Variants in DRICH1 observed in about 807,000 individuals in gnomAD.
The protein encoded by DRICH1 is aspartate-rich protein 1.
Under a neutral mutation model 39.5 loss-of-function variants are expected in DRICH1, and 38 were observed. The ratio of observed to expected loss-of-function variants is 0.96; its 90% CI spans 0.74 to 1.26. The LOEUF is 1.26. Among genes scored for constraint, DRICH1 ranks in the 50% most tolerant of loss-of-function variants. DRICH1 has a pLI of 0.00. For missense variants in DRICH1, 279 were observed against 270.4 expected (o/e 1.03, Z -0.22); for synonymous variants, 84 against 99.5 (o/e 0.84, Z 0.93).
intron 11 of DRICH1, among the ~76,000 whole-genome samples, chr22:23,612,556 A>G (rs1247224660): frequency 6.6e-6 from 1 of 152,004 alleles, no homozygotes; most frequent in African/African-American, 2.4e-5. Context: ...TTTTGAAGAC[A>G]GGAAATAGTG....
At chr22:23,615,849 A>G (rs1444694001) in intron 8 of DRICH1, among the ~76,000 whole-genome samples, 1 of 152,254 alleles carries the variant, frequency 6.6e-6, no homozygotes. Context: ...TTGAATGCAC[A>G]CATACACTGT....
intron 3 of DRICH1, chr22:23,624,171 G>T: frequency 1.0e-6 from 1 of 985,326 alleles, no homozygotes; most frequent in Non-Finnish European, 1.2e-6. Context: ...CATAAGGTGA[G>T]GATCCATTTC....
downstream of DRICH1, chr22:23,608,366 G>A (rs1926849292): frequency 4.5e-6 from 1 of 223,818 alleles, no homozygotes; most frequent in Non-Finnish European, 9.0e-6. Context: ...CTTATAGAAG[G>A]TGACCCAGAT....
chr22:23,603,385 C>T, the DRICH1 span, among the ~76,000 whole-genome samples: 28,521 of 151,740 alleles, frequency 0.19, 2,976 homozygotes, highest in African/African-American at 0.28. Flanking sequence ...CCAGGTTCCT[C>T]ACCTCCCCTG....
chr22:23,613,899 G>C (rs927367363), intron 9 of DRICH1, among the ~76,000 whole-genome samples: 1 of 152,188 alleles, frequency 6.6e-6, no homozygotes, highest in African/African-American at 2.4e-5. Context: ...GTGGAAAACT[G>C]TTGTTGTGGA....
At chr22:23,610,875 A>T in intron 11 of DRICH1, among the ~76,000 whole-genome samples, 2 of 146,702 alleles carry the variant, frequency 1.4e-5, no homozygotes, top group African/African-American at 2.5e-5. Flanking sequence ...TTTTTAACCT[A>T]TTATTAGATG....
chr22:23,583,332 C>CT, the DRICH1 span: 5 of 152,126 alleles, frequency 3.3e-5, no homozygotes, highest in African/African-American at 4.8e-5. Context: ...CTGTCCACGC[C>CT]CCCGGGTGTG....
In DRICH1 at chr22:23,631,941, G is replaced by A. The variant is rs962259959; in HGVS notation, c.83C>T (p.Thr28Ile). ...AGCAGCCACAGTCTCATAAATATCA[G>A]TATCAGATTCATAACAGGGTGCGTC... is the stretch of plus-strand genomic sequence containing the variant. Reference protein sequence around the residue: ...GKDAPCYESDTDIYETVAAAT... With the variant: ...GKDAPCYESDIDIYETVAAAT... The change falls in exon 1 of 12, where the codon ACT (threonine) becomes ATT (isoleucine). Residue 28 changes from threonine (T) to isoleucine (I), a missense_variant. Thr to Ile is a moderately conservative substitution (Grantham distance 89, BLOSUM62 -1). Transcript: ENST00000317749. 3 of 1,613,714 alleles carry A rather than the reference G, an allele frequency of 1.9e-6. No homozygotes were observed. The highest frequency in any genetic ancestry group is 2.7e-5 in the African/African-American group (2 of 74,904).
chr22:23,602,711 G>T, the DRICH1 span, among the ~76,000 whole-genome samples: 1 of 149,090 alleles, frequency 6.7e-6, no homozygotes. Flanking sequence ...GAGAAATTTG[G>T]GGGGGGGTGG....
At chr22:23,623,178 G>A (rs374750622) in intron 3 of DRICH1, among the ~76,000 whole-genome samples, 8 of 152,108 alleles carry the variant, frequency 5.3e-5, no homozygotes, top group Admixed American at 1.3e-4. Flanking sequence ...AGGCTGAGGC[G>A]GGCAGATCAC....
chr22:23,609,575 G>GT (rs1926922372), intron 11 of DRICH1, among the ~76,000 whole-genome samples: 1 of 152,082 alleles, frequency 6.6e-6, no homozygotes, highest in Non-Finnish European at 1.5e-5. Context: ...ACCTGTTTGT[G>GT]CAGGTGTCAG....
the DRICH1 span, among the ~76,000 whole-genome samples, chr22:23,590,904 G>A: frequency 6.6e-6 from 1 of 152,180 alleles, no homozygotes; most frequent in South Asian, 2.1e-4. Flanking sequence ...GACTACAGGC[G>A]TGAGCCACTG....
chr22:23,588,935 A>T, the DRICH1 span, among the ~76,000 whole-genome samples: 1 of 152,102 alleles, frequency 6.6e-6, no homozygotes. Flanking sequence ...TAACCAGATT[A>T]ACCTCCAAAT....
the DRICH1 span, among the ~76,000 whole-genome samples, chr22:23,585,552 C>T: frequency 3.8e-4 from 58 of 151,750 alleles, no homozygotes; most frequent in African/African-American, 1.3e-3. Flanking sequence ...GACAGTCTCA[C>T]TGTCACCCAG....
the DRICH1 span, among the ~76,000 whole-genome samples, chr22:23,585,693 T>C: frequency 1.3e-5 from 2 of 152,086 alleles, no homozygotes; most frequent in African/African-American, 4.8e-5. Context: ...ACTTTCTCTT[T>C]TATTTTTATA....
the DRICH1 span, among the ~76,000 whole-genome samples, chr22:23,597,989 T>G: frequency 1.4e-3 from 211 of 146,688 alleles, no homozygotes; most frequent in East Asian, 0.016. Context: ...CTTGTCACCC[T>G]GAGTTCTGGT....
chr22:23,607,532 C>T (rs565153642), downstream of DRICH1, among the ~76,000 whole-genome samples: 4 of 53,022 alleles, frequency 7.5e-5, no homozygotes, highest in East Asian at 1.2e-3. Context: ...CTCTTGCTGG[C>T]GGGGGCGGGG....
chr22:23,589,542 A>G, the DRICH1 span, among the ~76,000 whole-genome samples: 1 of 152,106 alleles, frequency 6.6e-6, no homozygotes, highest in African/African-American at 2.4e-5. Flanking sequence ...ATAAATGTTC[A>G]TATATAATAA....
chr22:23,613,995 A>G (rs1463220326), intron 9 of DRICH1, 140 bp downstream of exon 9: 13 of 657,192 alleles, frequency 2.0e-5, no homozygotes, highest in Middle Eastern at 3.5e-4. Flanking sequence ...AGACACTCCT[A>G]TGGAATTCCA....
Sources: gnomAD v4.1 joint callset for allele counts (sites outside exome capture counted in the v4.1 genomes callset) on GRCh38, gnomAD v4.1.1 for gene constraint, MANE v1.5 for transcripts, NCBI Gene and HGNC (gene_info 2026-07-23, HGNC 2026-07-21) for gene names.